The following BRD10 variants were observed in gnomAD, a reference collection of about 807,000 sequenced individuals.
The protein encoded by BRD10 is bromodomain containing 10, also known as uncharacterized bromodomain-containing protein 10.
the BRD10 span, among the ~76,000 whole-genome samples, chr9:5,938,577 C>T: frequency 1.3e-5 from 2 of 152,136 alleles, no homozygotes; most frequent in Admixed American, 6.5e-5. Flanking sequence ...TACCAAGTTC[C>T]TGGTACTATA....
At chr9:5,886,828 T>A in the BRD10 span, among the ~76,000 whole-genome samples, 1 of 152,172 alleles carries the variant, frequency 6.6e-6, no homozygotes, top group Non-Finnish European at 1.5e-5. Context: ...AGGGAACCCC[T>A]ATTTGAAGAA....
the BRD10 span, among the ~76,000 whole-genome samples, chr9:5,986,006 G>A: frequency 2.0e-5 from 3 of 152,082 alleles, no homozygotes; most frequent in African/African-American, 7.2e-5. Flanking sequence ...TACAAGTGCA[G>A]GACATGCAGG....
At chr9:5,977,166 G>C in the BRD10 span, among the ~76,000 whole-genome samples, 11 of 152,314 alleles carry the variant, frequency 7.2e-5, no homozygotes, top group African/African-American at 2.6e-4. Context: ...CTTGCTCCTA[G>C]AAGAGGAAGA....
At chr9:5,921,589 T>C in the BRD10 span, 3 of 1,614,000 alleles carry the variant, frequency 1.9e-6, no homozygotes, top group Non-Finnish European at 2.5e-6. Context: ...GTTTCTGAAC[T>C]GGAGTCCCAC....
chr9:6,008,316 G>C, the BRD10 span: 1 of 985,068 alleles, frequency 1.0e-6, no homozygotes, highest in Non-Finnish European at 1.2e-6. Context: ...GCGGTGCACG[G>C]ACGGGGCCCG....
chr9:5,971,946 A>G, the BRD10 span, among the ~76,000 whole-genome samples: 11 of 152,330 alleles, frequency 7.2e-5, 1 homozygote, highest in South Asian at 1.0e-3. Context: ...ATTTGTAACT[A>G]TAAGCTGACT....
At chr9:5,982,202 G>A in the BRD10 span, among the ~76,000 whole-genome samples, 1 of 152,122 alleles carries the variant, frequency 6.6e-6, no homozygotes, top group South Asian at 2.1e-4. Flanking sequence ...TCATGATGAA[G>A]TAATTGAACC....
chr9:5,903,191 T>C, the BRD10 span, among the ~76,000 whole-genome samples: 2 of 152,212 alleles, frequency 1.3e-5, no homozygotes, highest in African/African-American at 4.8e-5. Context: ...AGTGCAAACA[T>C]GGTATAATTT....
At chr9:5,908,445 ACT>A in the BRD10 span, among the ~76,000 whole-genome samples, 1 of 152,052 alleles carries the variant, frequency 6.6e-6, no homozygotes, top group Non-Finnish European at 1.5e-5. Context: ...ATTTTTCTCT[ACT>A]CTTGCCCCCA....
At chr9:5,897,890 C>T in the BRD10 span, among the ~76,000 whole-genome samples, 448 of 152,228 alleles carry the variant, frequency 2.9e-3, 3 homozygotes, top group Middle Eastern at 6.8e-3. Context: ...TAACATAATA[C>T]GAGAGACTGT....
At chr9:5,958,663 T>C in the BRD10 span, among the ~76,000 whole-genome samples, 1 of 152,168 alleles carries the variant, frequency 6.6e-6, no homozygotes, top group Non-Finnish European at 1.5e-5. Flanking sequence ...AAAAAAAAGG[T>C]ACTTCAATGC....
the BRD10 span, among the ~76,000 whole-genome samples, chr9:5,902,080 T>C: frequency 2.0e-5 from 3 of 152,204 alleles, no homozygotes; most frequent in South Asian, 2.1e-4. Flanking sequence ...TTATAGAGAA[T>C]TGGTATAATA....
At chr9:5,921,597 C>T in the BRD10 span, 2 of 1,613,956 alleles carry the variant, frequency 1.2e-6, no homozygotes, top group Non-Finnish European at 1.7e-6. Flanking sequence ...ACTGGAGTCC[C>T]ACTGATTACA....
At chr9:5,894,709 G>T in the BRD10 span, among the ~76,000 whole-genome samples, 5 of 152,194 alleles carry the variant, frequency 3.3e-5, no homozygotes, top group African/African-American at 1.2e-4. The surrounding 1 kb of genome is among the most constrained non-coding windows in gnomAD (Gnocchi z 4.0). Flanking sequence ...GGGTGATCCT[G>T]ACAGGAGCCA....
At chr9:5,974,338 A>G in the BRD10 span, among the ~76,000 whole-genome samples, 1 of 152,200 alleles carries the variant, frequency 6.6e-6, no homozygotes, top group African/African-American at 2.4e-5. Flanking sequence ...ACTAAAATGA[A>G]AACTTCCATG....
At chr9:5,983,243 T>G in the BRD10 span, among the ~76,000 whole-genome samples, 9 of 152,162 alleles carry the variant, frequency 5.9e-5, no homozygotes, top group African/African-American at 2.2e-4. Context: ...ATTATGCTAT[T>G]GTAGGGCTGA....
At chr9:5,969,208 T>A in the BRD10 span, 4 of 1,613,690 alleles carry the variant, frequency 2.5e-6, no homozygotes, top group Admixed American at 1.7e-5. Flanking sequence ...TTATTTTCGA[T>A]AGAAAAGCAT....
chr9:6,004,876 C>G, the BRD10 span, among the ~76,000 whole-genome samples: 1 of 152,164 alleles, frequency 6.6e-6, no homozygotes, highest in African/African-American at 2.4e-5. Context: ...GCTAGAAGAA[C>G]TGATGTCCTA....
the BRD10 span, among the ~76,000 whole-genome samples, chr9:5,984,018 C>CT: frequency 6.8e-6 from 1 of 146,692 alleles, no homozygotes; most frequent in Non-Finnish European, 1.5e-5. Flanking sequence ...CCTCTCCATC[C>CT]TTCAAGATGT....
Sources: allele counts gnomAD v4.1 joint callset (sites outside exome capture counted in the v4.1 genomes callset), GRCh38; gene constraint gnomAD v4.1.1; non-coding constraint Gnocchi (gnomAD v3.1); transcripts MANE v1.5; gene names NCBI Gene and HGNC (gene_info 2026-07-23, HGNC 2026-07-21).